Variants in ST6GAL2 observed in about 807,000 individuals in gnomAD.
The protein encoded by ST6GAL2 is ST6 beta-galactoside alpha-2,6-sialyltransferase 2.
Under a neutral mutation model 37.5 loss-of-function variants are expected in ST6GAL2, and 24 were observed. The ratio of observed to expected loss-of-function variants is 0.64; its 90% confidence interval spans 0.46 to 0.90. The LOEUF (loss-of-function observed/expected upper bound fraction) is 0.90. ST6GAL2 is among the 40% of genes least tolerant of loss of function. The pLI, the probability that ST6GAL2 is intolerant of heterozygous loss-of-function variation, is 0.00. For missense variants in ST6GAL2, 715 were observed against 712.7 expected (o/e 1.00, Z -0.04); for synonymous variants, 306 against 295.1 (o/e 1.04, Z -0.38).
intron 5 of ST6GAL2, among the ~76,000 whole-genome samples, chr2:106,828,607 G>A (rs1244815219): frequency 6.6e-6 from 1 of 152,076 alleles, no homozygotes; most frequent in Non-Finnish European, 1.5e-5. Flanking sequence ...TTCAATTCAG[G>A]ATACCTGTGT....
chr2:106,869,511 C>T (rs1265825802), intron 1 of ST6GAL2, among the ~76,000 whole-genome samples: 3 of 152,160 alleles, frequency 2.0e-5, no homozygotes, highest in Non-Finnish European at 4.4e-5. Context: ...GGCAAAGAGG[C>T]TCCAGCTCCC....
intron 3 of ST6GAL2, 114 bp downstream of exon 3, chr2:106,833,935 G>T: frequency 3.0e-6 from 2 of 660,536 alleles, no homozygotes; most frequent in Non-Finnish European, 5.3e-6. Context: ...CAAGTACCAC[G>T]GTCATAATTA....
intron 5 of ST6GAL2, among the ~76,000 whole-genome samples, chr2:106,828,211 C>T (rs1033072887): frequency 1.3e-5 from 2 of 152,138 alleles, no homozygotes; most frequent in African/African-American, 4.8e-5. Context: ...TCTAACTGTG[C>T]TTTAAAACTT....
In ST6GAL2 at chr2:106,804,412, G is replaced by A. The variant is rs1261045636; in HGVS notation, c.*2266C>T. The A allele has an allele frequency of 3.9e-5, 6 of 152,144 alleles. No individual in the cohort carries two copies. Among genetic ancestry groups the A allele is most frequent in the Non-Finnish European group, 8.8e-5 (6 of 68,032 alleles). The allele number at this position is 152,144 out of a possible 1,614,324, so 9.4% of individuals were successfully genotyped here. ...GAGCTTCAGGGGCATTTAATGGTCT[G>A]GAAGATCTAGAAAGATCCAAGGAGG... On this transcript the variant is annotated 3_prime_UTR_variant, in exon 6 of 6. Coordinates refer to ENST00000409382, the MANE Select transcript of ST6GAL2 (RefSeq NM_001142351.2).
At chr2:106,842,497 T>C (rs973798784) in intron 2 of ST6GAL2, among the ~76,000 whole-genome samples, 2 of 152,182 alleles carry the variant, frequency 1.3e-5, no homozygotes, top group Non-Finnish European at 2.9e-5. Flanking sequence ...GCTGGGCTCT[T>C]CTCAGAGCTC....
intron 1 of ST6GAL2, among the ~76,000 whole-genome samples, chr2:106,851,830 TA>T (rs2104550954): frequency 6.6e-6 from 1 of 152,324 alleles, no homozygotes; most frequent in African/African-American, 2.4e-5. Context: ...GTTGAAATAA[TA>T]AAGAAGATTT....
At chr2:106,869,592 C>G (rs937418572) in intron 1 of ST6GAL2, among the ~76,000 whole-genome samples, 7 of 152,160 alleles carry the variant, frequency 4.6e-5, no homozygotes, top group Admixed American at 1.3e-4. Context: ...TGCTTTTGCT[C>G]TCTGGGCAGA....
In ST6GAL2 at chr2:106,806,779, T is replaced by C. The variant is rs1675428378; in HGVS notation, c.1489A>G (p.Met497Val). The C allele has an allele frequency of 3.7e-6, 6 of 1,614,174 alleles. No homozygotes were observed. The highest frequency in any genetic ancestry group is 5.1e-6 in the Non-Finnish European group (6 of 1,180,032). Reference protein sequence around the residue: ...YEKLLVQRLNMGTQGDLHRKG... With the variant: ...YEKLLVQRLNVGTQGDLHRKG... ...CGATGCAAATCCCCCTGCGTGCCCA[T>C]GTTCAGGCGCTGCACCAGGAGCTTC... The change falls in exon 6 of 6, where the codon ATG becomes GTG. Residue 497 changes from methionine to valine, a missense_variant. Met to Val is a conservative substitution (Grantham distance 21, BLOSUM62 1). Around this residue, in one of 3 missense-constraint regions of ST6GAL2, gnomAD observed 198 missense variants for 203.6 expected, o/e 0.97. Transcript: ENST00000409382.
chr2:106,804,532 T>A lies in ST6GAL2; in HGVS notation c.*2146A>T, dbSNP rs1444126615. On this transcript the variant is annotated 3_prime_UTR_variant, in exon 6 of 6. Coordinates refer to ENST00000409382, the MANE Select transcript of ST6GAL2 (RefSeq NM_001142351.2). ...ATGTAAACATAAGGACAAGACAAAGTTTTTTCAAGAAATTAGAAAGGAATG... is the reference window on the plus strand; with the variant it reads ...ATGTAAACATAAGGACAAGACAAAGATTTTTCAAGAAATTAGAAAGGAATG... 6.6e-6 allele frequency: 1 copy of A among 151,818 alleles called. No homozygotes were observed. The highest frequency in any genetic ancestry group is 2.4e-5 in the African/African-American group (1 of 41,318). 9.4% of individuals were successfully genotyped at this position (151,818 alleles called of 1,614,324 possible).
At chr2:106,822,746 G>A (rs1181710371) in intron 5 of ST6GAL2, among the ~76,000 whole-genome samples, 1 of 152,048 alleles carries the variant, frequency 6.6e-6, no homozygotes, top group Non-Finnish European at 1.5e-5. Flanking sequence ...GAAATCACAT[G>A]ACCTGACTTC....
At chr2:106,878,219 T>C (rs1263364046) in intron 1 of ST6GAL2, among the ~76,000 whole-genome samples, 1 of 152,144 alleles carries the variant, frequency 6.6e-6, no homozygotes, top group East Asian at 1.9e-4. Context: ...GTCCCAGCAC[T>C]TTGGGGGTTG....
At chr2:106,856,375 G>A (rs376063168) in intron 1 of ST6GAL2, among the ~76,000 whole-genome samples, 2 of 152,170 alleles carry the variant, frequency 1.3e-5, no homozygotes, top group Non-Finnish European at 2.9e-5. Context: ...GAGAGACACG[G>A]ATCATGGTGT....
At position 106,804,241 on chromosome 2, in the gene ST6GAL2, A is replaced by G. The variant is rs374093778; in HGVS notation, c.*2437T>C. 6.6e-6 allele frequency: 1 copy of G among 152,218 alleles called. No individual in the cohort carries two copies. Among genetic ancestry groups the G allele is most frequent in the East Asian group, 1.9e-4 (1 of 5,184 alleles). 9.4% of individuals were successfully genotyped at this position (152,218 alleles called of 1,614,324 possible). On this transcript the variant is annotated 3_prime_UTR_variant, in exon 6 of 6. Transcript: ENST00000409382. ...CAAAATTCCATTTAAAAATCTTTAA[A>G]GTGTTGGGTTCTGAGGCTTTTGAAC... is the stretch of plus-strand genomic sequence containing the variant.
At chr2:106,877,179 C>T (rs1678540435) in intron 1 of ST6GAL2, among the ~76,000 whole-genome samples, 1 of 152,122 alleles carries the variant, frequency 6.6e-6, no homozygotes, top group Admixed American at 6.5e-5. Context: ...TTAGGAAATC[C>T]TCTTATGGCC....
At chr2:106,841,429 A>G (rs957627491) in intron 2 of ST6GAL2, among the ~76,000 whole-genome samples, 4 of 152,330 alleles carry the variant, frequency 2.6e-5, no homozygotes, top group Admixed American at 2.0e-4. Flanking sequence ...ATTGTTTTAT[A>G]TCTGGACTTG....
chr2:106,863,197 G>C (rs1186710565), intron 1 of ST6GAL2, among the ~76,000 whole-genome samples: 2 of 152,166 alleles, frequency 1.3e-5, no homozygotes, highest in Non-Finnish European at 2.9e-5. Context: ...CACAGAATGA[G>C]AGGACAGGTT....
At chr2:106,868,554 A>G (rs1033126318) in intron 1 of ST6GAL2, among the ~76,000 whole-genome samples, 1 of 152,228 alleles carries the variant, frequency 6.6e-6, no homozygotes, top group African/African-American at 2.4e-5. Context: ...CAAGTCCCAA[A>G]GCAAAGATCG....
chr2:106,886,960 T>G (rs951844839), upstream of ST6GAL2: 2 of 152,426 alleles, frequency 1.3e-5, no homozygotes, highest in African/African-American at 4.8e-5. Flanking sequence ...CCAGCCCTAG[T>G]TCTTCCGAAG....
At chr2:106,820,025 T>C (rs1558680708) in intron 5 of ST6GAL2, among the ~76,000 whole-genome samples, 2 of 151,748 alleles carry the variant, frequency 1.3e-5, no homozygotes, top group African/African-American at 2.4e-5. Context: ...AAAATCACTT[T>C]CACTAAAAGG....
Sources: allele counts gnomAD v4.1 joint callset (sites outside exome capture counted in the v4.1 genomes callset), GRCh38; gene constraint gnomAD v4.1.1; regional missense constraint gnomAD v4.1.1; transcripts MANE v1.5; gene names NCBI Gene and HGNC (gene_info 2026-07-23, HGNC 2026-07-21).